The following ELP4 variants were observed in gnomAD, a reference collection of about 807,000 sequenced individuals.
The protein encoded by ELP4 is elongator acetyltransferase complex subunit 4.
ELP4 carries 51 observed loss-of-function variants against 48.9 expected under a neutral mutation model. The observed-to-expected ratio is 1.04, with a 90% CI of 0.83 to 1.32. The LOEUF (loss-of-function observed/expected upper bound fraction) is 1.32, where lower values mean the gene tolerates loss of function less well. ELP4 is among the 40% of genes most tolerant of loss of function. ELP4 has a pLI of 0.00. For missense variants in ELP4, 519 were observed against 514.6 expected, an observed-to-expected ratio of 1.01 and a Z score of -0.08; for synonymous variants, 210 against 189.2, an observed-to-expected ratio of 1.11 and a Z score of -0.90.
At chr11:31,625,476 C>A (rs191267129) in intron 5 of ELP4, among the ~76,000 whole-genome samples, 24 of 151,736 alleles carry the variant, frequency 1.6e-4, no homozygotes, top group Non-Finnish European at 2.8e-4. Flanking sequence ...TTTTAACCTT[C>A]AAACAGAAAT....
At chr11:31,565,857 C>G (rs929052477) in intron 3 of ELP4, among the ~76,000 whole-genome samples, 1 of 152,150 alleles carries the variant, frequency 6.6e-6, no homozygotes, top group African/African-American at 2.4e-5. Context: ...GCAAAGTAGG[C>G]TCTTTTTTGG....
chr11:31,664,893 T>C (rs1391516326), intron 9 of ELP4, among the ~76,000 whole-genome samples: 8 of 152,186 alleles, frequency 5.3e-5, no homozygotes, highest in Admixed American at 2.0e-4. Flanking sequence ...TTTTAAATAT[T>C]AATCAATGCG....
At chr11:31,611,625 A>C (rs1309974841) in intron 5 of ELP4, among the ~76,000 whole-genome samples, 2 of 152,222 alleles carry the variant, frequency 1.3e-5, no homozygotes. Context: ...TATGTCCGAT[A>C]ATATTTATTG....
chr11:31,790,249 C>A lies in ELP4; in HGVS notation c.*6725C>A. 1.9e-6 allele frequency: 1 copy of A among 520,714 alleles called. No individual in the cohort carries two copies. 32.3% of individuals were successfully genotyped at this position (520,714 alleles called of 1,614,324 possible). Reference sequence around the variant, plus strand: ...GATCCCAAGTACCCCCCACCCCAATCCAAAGGAAAAGAAAAAAAAAATCCT... The same window carrying A: ...GATCCCAAGTACCCCCCACCCCAATACAAAGGAAAAGAAAAAAAAAATCCT... On this transcript the variant is annotated 3_prime_UTR_variant, in exon 10 of 10. Coordinates refer to ENST00000640961, the MANE Select transcript of ELP4 (RefSeq NM_019040.5).
At chr11:31,698,515 C>T (rs559640943) in intron 9 of ELP4, among the ~76,000 whole-genome samples, 17 of 152,118 alleles carry the variant, frequency 1.1e-4, no homozygotes, top group African/African-American at 4.1e-4. Context: ...TGGGTTCAAG[C>T]GATTCTCCCT....
chr11:31,576,542 T>C lies in ELP4; in HGVS notation c.382-18228T>C, dbSNP rs551635156. On this transcript the variant is annotated intron_variant, in intron 3 of 9. Transcript: ENST00000640961. ...CCTAAATTGACCACATAGTTGGAAG[T>C]AAAGCACTCCTCAGCAAATGTAAAA... Among the ~76,000 whole-genome samples the C allele has an allele frequency of 2.1e-4, 32 of 152,306 alleles. 1 individual carries two copies. In the South Asian group the frequency reaches 5.8e-3, roughly 28 times the overall value.
chr11:31,690,063 CACTT>C (rs1946244850), intron 9 of ELP4, among the ~76,000 whole-genome samples: 2 of 152,276 alleles, frequency 1.3e-5, no homozygotes, highest in South Asian at 4.2e-4. Flanking sequence ...TGCATTATCT[CACTT>C]AATCCTTAGA....
chr11:31,720,021 A>G (rs1168703721), intron 9 of ELP4: 36 of 152,120 alleles, frequency 2.4e-4, no homozygotes, highest in Admixed American at 2.4e-3. Context: ...TTTTTTTTCA[A>G]GTGTTTTTTG....
chr11:31,743,276 A>G (rs1947500446), intron 9 of ELP4, among the ~76,000 whole-genome samples: 1 of 152,224 alleles, frequency 6.6e-6, no homozygotes, highest in African/African-American at 2.4e-5. Context: ...AAAGAGACTT[A>G]GACTCCCACA....
chr11:31,517,575 C>CA (rs1174738788), intron 1 of ELP4, among the ~76,000 whole-genome samples: 2 of 151,952 alleles, frequency 1.3e-5, no homozygotes, highest in Non-Finnish European at 2.9e-5. Context: ...GATTTGTATA[C>CA]AAAAAACAAA....
intron 3 of ELP4, among the ~76,000 whole-genome samples, chr11:31,555,237 T>A (rs1956911812): frequency 6.6e-6 from 1 of 152,054 alleles, no homozygotes; most frequent in Non-Finnish European, 1.5e-5. Context: ...GGGTATAGGA[T>A]TGTCTTTGAA....
intron 4 of ELP4, chr11:31,600,220 A>G (rs200363732): frequency 1.5e-5 from 1 of 66,520 alleles, no homozygotes; most frequent in Non-Finnish European, 4.8e-5. Context: ...TCTTTTCTTC[A>G]CCATGTGATT....
chr11:31,600,471 A>G (rs1292208404), intron 4 of ELP4: 1 of 152,138 alleles, frequency 6.6e-6, no homozygotes, highest in African/African-American at 2.4e-5. Flanking sequence ...GTTTAGCTGC[A>G]GCAGCCCTGT....
intron 9 of ELP4, chr11:31,652,710 C>G (rs1370015202): frequency 6.6e-6 from 1 of 151,784 alleles, no homozygotes; most frequent in Non-Finnish European, 1.5e-5. Context: ...AGAGTTGAAT[C>G]TGACATTGAA....
At chr11:31,551,041 G>A (rs566531765) in intron 3 of ELP4, among the ~76,000 whole-genome samples, 3 of 152,074 alleles carry the variant, frequency 2.0e-5, no homozygotes, top group South Asian at 4.1e-4. Context: ...GATTATGATC[G>A]CACTTGTTTA....
At chr11:31,661,774 A>G (rs1945561321) in intron 9 of ELP4, among the ~76,000 whole-genome samples, 1 of 152,074 alleles carries the variant, frequency 6.6e-6, no homozygotes, top group African/African-American at 2.4e-5. Context: ...TAAGTAAAAC[A>G]ACCTTCAAAA....
chr11:31,633,329 C>T (rs895910685), intron 7 of ELP4: 2 of 152,058 alleles, frequency 1.3e-5, no homozygotes, highest in African/African-American at 2.4e-5. Flanking sequence ...TGCCTTACAC[C>T]TGTAATCCCA....
Position 31,786,506 on chromosome 11 carries a change from G to A in ELP4, c.*2982G>A, listed in dbSNP as rs191399467. On this transcript the variant is annotated 3_prime_UTR_variant, in exon 10 of 10. Transcript: ENST00000640961. ...TGAAAAAGAGAAGAATATATATTTC[G>A]CCTTGGTGAGCCAAACATACAGAGA... The A allele has an allele frequency of 6.1e-4, 137 of 223,226 alleles. 1 individual carries two copies. The highest frequency in any genetic ancestry group is 3.5e-3 in the Admixed American group (62 of 17,470). 13.8% of individuals were successfully genotyped at this position (223,226 alleles called of 1,614,324 possible).
At chr11:31,695,244 A>G (rs529479327) in intron 9 of ELP4, among the ~76,000 whole-genome samples, 1 of 152,252 alleles carries the variant, frequency 6.6e-6, no homozygotes, top group East Asian at 1.9e-4. Flanking sequence ...CAGTTTTCAA[A>G]GTGAATGCTT....
Sources: gnomAD v4.1 joint callset for allele counts (sites outside exome capture counted in the v4.1 genomes callset) on GRCh38, gnomAD v4.1.1 for gene constraint, MANE v1.5 for transcripts, NCBI Gene and HGNC (gene_info 2026-07-23, HGNC 2026-07-21) for gene names.